The following GRXCR1 variants were observed in gnomAD, a reference collection of about 807,000 sequenced individuals.
GRXCR1 encodes the protein glutaredoxin and cysteine rich domain containing 1.
In GRXCR1, 27 loss-of-function variants were observed where a neutral mutation model predicts 27.3. That is an observed-to-expected ratio of 0.99 (90% CI 0.73 to 1.37). The LOEUF is 1.37. Ranked by LOEUF, GRXCR1 falls within the 40% of genes most tolerant of loss-of-function variation. GRXCR1 has a pLI of 0.00. For synonymous variants in GRXCR1, 122 were observed against 131.1 expected (o/e 0.93, Z 0.47); for missense variants, 379 against 354.4 (o/e 1.07, Z -0.56).
At chr4:42,922,935 G>C (rs1336624276) in intron 1 of GRXCR1, among the ~76,000 whole-genome samples, 1 of 152,046 alleles carries the variant, frequency 6.6e-6, no homozygotes, top group African/African-American at 2.4e-5. Flanking sequence ...TGGCTTCACT[G>C]TGCCCTTCCA....
chr4:42,940,138 A>G (rs952791198), intron 1 of GRXCR1, among the ~76,000 whole-genome samples: 8 of 152,000 alleles, frequency 5.3e-5, no homozygotes, highest in Non-Finnish European at 1.2e-4. Context: ...CATGGTGAGA[A>G]TCTGCTGGAA....
chr4:42,922,909 A>G (rs531145187), intron 1 of GRXCR1, among the ~76,000 whole-genome samples: 32 of 152,078 alleles, frequency 2.1e-4, no homozygotes, highest in Non-Finnish European at 4.0e-4. Context: ...ACAGTGCTAA[A>G]TAGTAAGAAA....
At chr4:43,012,184 C>T (rs1380243176) in intron 2 of GRXCR1, among the ~76,000 whole-genome samples, 1 of 152,146 alleles carries the variant, frequency 6.6e-6, no homozygotes, top group Non-Finnish European at 1.5e-5. Context: ...CTTTAGAGAG[C>T]CTAGCTAGCA....
chr4:43,025,204 T>C (rs556307052), intron 3 of GRXCR1, among the ~76,000 whole-genome samples: 1 of 152,280 alleles, frequency 6.6e-6, no homozygotes, highest in Non-Finnish European at 1.5e-5. Context: ...CGTTTGTCGT[T>C]TTTGTCCTTT....
intron 1 of GRXCR1, among the ~76,000 whole-genome samples, chr4:42,918,369 T>A (rs77518705): frequency 0.047 from 7,172 of 152,190 alleles, 211 homozygotes; most frequent in African/African-American, 0.087. Flanking sequence ...TTCCAACACA[T>A]GAGTTTTGGA....
chr4:42,987,456 A>AT (rs1275887798), intron 2 of GRXCR1, among the ~76,000 whole-genome samples: 2 of 150,960 alleles, frequency 1.3e-5, no homozygotes, highest in African/African-American at 4.9e-5. Flanking sequence ...AGCTAATTTT[A>AT]TTTTTTGTAG....
At chr4:42,998,339 C>A (rs1712241871) in intron 2 of GRXCR1, among the ~76,000 whole-genome samples, 1 of 152,102 alleles carries the variant, frequency 6.6e-6, no homozygotes, top group Non-Finnish European at 1.5e-5. Context: ...AAGAATACAC[C>A]AAAACTTCTA....
chr4:43,019,758 T>C (rs1713040712), intron 2 of GRXCR1, among the ~76,000 whole-genome samples: 1 of 152,190 alleles, frequency 6.6e-6, no homozygotes, highest in Non-Finnish European at 1.5e-5. Context: ...CTGTGTCTTC[T>C]CTGGGTGGCC....
chr4:43,020,484 G>C (rs1577948318), intron 3 of GRXCR1, 65 bp downstream of exon 3: 3 of 1,024,434 alleles, frequency 2.9e-6, no homozygotes, highest in East Asian at 4.9e-5. Flanking sequence ...GATTATAATT[G>C]AGTTTTCCTA....
At chr4:43,000,952 C>T (rs575193925) in intron 2 of GRXCR1, among the ~76,000 whole-genome samples, 5 of 151,948 alleles carry the variant, frequency 3.3e-5, no homozygotes, top group African/African-American at 4.8e-5. Context: ...CTTGAGAAGG[C>T]GCCTCACTCT....
At chr4:42,928,698 C>A (rs894398754) in intron 1 of GRXCR1, among the ~76,000 whole-genome samples, 14 of 151,938 alleles carry the variant, frequency 9.2e-5, no homozygotes, top group African/African-American at 3.4e-4. Context: ...AGAGATTGGG[C>A]CACAGCCTTT....
chr4:43,002,526 G>C (rs1335079408), intron 2 of GRXCR1, among the ~76,000 whole-genome samples: 1 of 151,930 alleles, frequency 6.6e-6, no homozygotes, highest in Non-Finnish European at 1.5e-5. Context: ...AAAGTGGCTG[G>C]TACAAAACTA....
rs760404635 is a variant in GRXCR1 at position 42,903,322 on chromosome 4, T to A, written c.384+9672T>A. Reference sequence around the variant, plus strand: ...CAGCTTTGTAGATTTTTTTTTTTTTTTTTTTTTTTTTTTTAGACGGAGTCT... The same window carrying A: ...CAGCTTTGTAGATTTTTTTTTTTTTATTTTTTTTTTTTTTAGACGGAGTCT... On this transcript the variant is annotated intron_variant, in intron 1 of 3. Coordinates refer to ENST00000399770, the MANE Select transcript of GRXCR1 (RefSeq NM_001080476.3). 3.1e-4 allele frequency among the ~76,000 whole-genome samples: 41 copies of A among 131,752 alleles called. 2 individuals carry two copies. The highest frequency in any genetic ancestry group is 4.8e-4 in the Non-Finnish European group (30 of 61,988). The allele number at this position is 131,752 out of a possible 152,430, so 86.4% of individuals were successfully genotyped here. A position where few individuals can be genotyped will look rare whatever the true frequency, so the allele number is the denominator to read the frequency against.
Position 43,002,769 on chromosome 4 carries a change from G to T in GRXCR1, c.628-17585G>T, listed in dbSNP as rs528489762. On this transcript the variant is annotated intron_variant, in intron 2 of 3. Transcript: ENST00000399770. Reference sequence around the variant, plus strand: ...AGCTTAAAATTTCCAGGGACAAAAAGATGATAATTTATCTTGATATCCTAG... The same window carrying T: ...AGCTTAAAATTTCCAGGGACAAAAATATGATAATTTATCTTGATATCCTAG... 9.2e-5 allele frequency among the ~76,000 whole-genome samples: 14 copies of T among 152,220 alleles called. No homozygotes were observed. In the South Asian group the frequency reaches 2.9e-3, roughly 32 times the overall value.
chr4:42,956,799 T>C (rs1165015712), intron 1 of GRXCR1, among the ~76,000 whole-genome samples: 2 of 152,080 alleles, frequency 1.3e-5, no homozygotes. Flanking sequence ...TTGTGCAGTG[T>C]GTATCTTGCA....
intron 2 of GRXCR1, among the ~76,000 whole-genome samples, chr4:42,997,728 T>A (rs1712219375): frequency 6.6e-6 from 1 of 152,130 alleles, no homozygotes; most frequent in African/African-American, 2.4e-5. Context: ...CCCACTGAAG[T>A]TATTTAAAGC....
intron 1 of GRXCR1, among the ~76,000 whole-genome samples, chr4:42,922,072 T>C (rs1031973954): frequency 3.9e-5 from 6 of 152,192 alleles, no homozygotes; most frequent in African/African-American, 1.4e-4. Flanking sequence ...AGGTTTCCTC[T>C]GTCTAAATAT....
At chr4:43,022,400 G>T (rs768735070) in intron 3 of GRXCR1, among the ~76,000 whole-genome samples, 1 of 152,150 alleles carries the variant, frequency 6.6e-6, no homozygotes, top group Non-Finnish European at 1.5e-5. Context: ...TACCATGGTA[G>T]ATAATCTCTC....
chr4:43,012,186 T>C (rs981381294), intron 2 of GRXCR1, among the ~76,000 whole-genome samples: 3 of 152,246 alleles, frequency 2.0e-5, no homozygotes, highest in African/African-American at 4.8e-5. Context: ...TTAGAGAGCC[T>C]AGCTAGCATG....
Sources: allele counts gnomAD v4.1 joint callset (sites outside exome capture counted in the v4.1 genomes callset), GRCh38; gene constraint gnomAD v4.1.1; transcripts MANE v1.5; gene names NCBI Gene and HGNC (gene_info 2026-07-23, HGNC 2026-07-21).